Variants in STXBP5L observed in about 807,000 individuals in gnomAD.
STXBP5L encodes syntaxin binding protein 5L.
In STXBP5L, 65 loss-of-function variants were observed where a neutral mutation model predicts 144.5. The ratio of observed to expected loss-of-function variants is 0.45; its 90% confidence interval spans 0.37 to 0.55. The LOEUF is 0.55. STXBP5L is among the 20% of genes least tolerant of loss of function. The pLI is 0.00. For missense variants in STXBP5L, 1,298 were observed against 1,405.5 expected, an observed-to-expected ratio of 0.92 and a Z score of 1.22; for synonymous variants, 505 against 469.6, an observed-to-expected ratio of 1.08 and a Z score of -0.97.
At chr3:121,010,552 C>A (rs1276044311) in intron 3 of STXBP5L, among the ~76,000 whole-genome samples, 1 of 151,504 alleles carries the variant, frequency 6.6e-6, no homozygotes, top group Admixed American at 6.6e-5. Flanking sequence ...TAATAGTTGA[C>A]CCTTGAACAA....
At chr3:121,150,234 G>A (rs754183867) in intron 7 of STXBP5L, among the ~76,000 whole-genome samples, 67 of 152,038 alleles carry the variant, frequency 4.4e-4, no homozygotes, top group Non-Finnish European at 8.1e-4. Flanking sequence ...TCATGGTGAA[G>A]AAGTAACCCT....
intron 3 of STXBP5L, among the ~76,000 whole-genome samples, chr3:121,013,955 C>G (rs1296993889): frequency 1.3e-5 from 2 of 151,790 alleles, no homozygotes; most frequent in African/African-American, 4.8e-5. Context: ...TGTAGGTATA[C>G]AGCATTATTT....
Position 121,152,774 on chromosome 3 carries a change from T to C in STXBP5L, c.753+214T>C, listed in dbSNP as rs556315095. ...GCCTTGACTGCCTATTTCGGGGCCC[T>C]CTTGTGGCATCTTATATACTTTGCA... On this transcript the variant is annotated intron_variant, in intron 8 of 26. Transcript: ENST00000471454. 2.0e-5 allele frequency among the ~76,000 whole-genome samples: 3 copies of C among 152,220 alleles called. No homozygotes were observed. In the South Asian group the frequency reaches 6.2e-4, roughly 32 times the overall value.
intron 18 of STXBP5L, among the ~76,000 whole-genome samples, chr3:121,260,554 A>G (rs764751608): frequency 2.6e-5 from 4 of 152,072 alleles, no homozygotes; most frequent in Non-Finnish European, 5.9e-5. Context: ...ATATGTTTAA[A>G]TCTTTGATCT....
chr3:121,192,950 A>T (rs2047759615), intron 9 of STXBP5L, among the ~76,000 whole-genome samples: 1 of 151,718 alleles, frequency 6.6e-6, no homozygotes, highest in South Asian at 2.1e-4. Flanking sequence ...AGCAATGGCA[A>T]CAAAAGCCAA....
At chr3:121,112,761 A>G (rs1052504365) in intron 5 of STXBP5L, among the ~76,000 whole-genome samples, 3 of 152,124 alleles carry the variant, frequency 2.0e-5, no homozygotes, top group African/African-American at 7.2e-5. Flanking sequence ...CAAGGCTTAC[A>G]TGCAGTAGAA....
At chr3:121,162,003 A>G (rs2046338786) in intron 9 of STXBP5L, among the ~76,000 whole-genome samples, 1 of 152,158 alleles carries the variant, frequency 6.6e-6, no homozygotes, top group Non-Finnish European at 1.5e-5. Flanking sequence ...CAAAACAAAA[A>G]TGAATTAGGA....
intron 2 of STXBP5L, among the ~76,000 whole-genome samples, chr3:120,938,866 G>A (rs923959254): frequency 6.6e-6 from 1 of 151,972 alleles, no homozygotes; most frequent in Non-Finnish European, 1.5e-5. Context: ...CTGCAGTGTC[G>A]AACTCCTGGG....
At chr3:120,989,127 T>C (rs1942585091) in intron 3 of STXBP5L, among the ~76,000 whole-genome samples, 1 of 152,174 alleles carries the variant, frequency 6.6e-6, no homozygotes, top group East Asian at 1.9e-4. Context: ...GTGCTAAATG[T>C]ATAAGTGCAG....
intron 20 of STXBP5L, among the ~76,000 whole-genome samples, chr3:121,330,796 G>A (rs982126156): frequency 2.0e-5 from 3 of 152,150 alleles, no homozygotes; most frequent in South Asian, 4.1e-4. Context: ...CCTGGCCAAC[G>A]GAGAGATCCT....
intron 3 of STXBP5L, among the ~76,000 whole-genome samples, chr3:120,986,874 GC>G (rs1377036527): frequency 6.6e-6 from 1 of 151,800 alleles, no homozygotes; most frequent in Non-Finnish European, 1.5e-5. Context: ...TGAAGATAGC[GC>G]AATGAAAATT....
At chr3:121,332,287 G>T (rs549582707) in intron 20 of STXBP5L, among the ~76,000 whole-genome samples, 1 of 151,550 alleles carries the variant, frequency 6.6e-6, no homozygotes, top group Admixed American at 6.6e-5. Flanking sequence ...AGAATTCAAA[G>T]GGTTGATTAT....
At chr3:121,062,322 C>G (rs937449535) in intron 5 of STXBP5L, among the ~76,000 whole-genome samples, 1 of 152,146 alleles carries the variant, frequency 6.6e-6, no homozygotes, top group Non-Finnish European at 1.5e-5. Flanking sequence ...ATTTTCCCCC[C>G]ACTTTCTTCT....
chr3:121,104,499 A>G (rs2043592944), intron 5 of STXBP5L, among the ~76,000 whole-genome samples: 1 of 152,216 alleles, frequency 6.6e-6, no homozygotes, highest in African/African-American at 2.4e-5. Flanking sequence ...TTCAAACTAT[A>G]CTACAAAACT....
chr3:121,385,213 T>C (rs905021263), intron 22 of STXBP5L, among the ~76,000 whole-genome samples: 1 of 152,118 alleles, frequency 6.6e-6, no homozygotes, highest in Non-Finnish European at 1.5e-5. Context: ...CTAATAGCTC[T>C]TCAGGCTGTA....
At chr3:121,117,075 G>A (rs1007884574) in intron 6 of STXBP5L, among the ~76,000 whole-genome samples, 4 of 151,714 alleles carry the variant, frequency 2.6e-5, no homozygotes, top group African/African-American at 7.3e-5. Flanking sequence ...AGATTACTAC[G>A]TGAACTAGTG....
intron 10 of STXBP5L, among the ~76,000 whole-genome samples, chr3:121,211,100 ATT>A (rs2048546904): frequency 1.3e-5 from 2 of 152,058 alleles, no homozygotes; most frequent in Admixed American, 1.3e-4. Flanking sequence ...GTCCTCTTTT[ATT>A]TTGTTGAACA....
chr3:121,395,589 T>C (rs1314317272), intron 22 of STXBP5L, among the ~76,000 whole-genome samples: 2 of 152,188 alleles, frequency 1.3e-5, no homozygotes, highest in East Asian at 3.8e-4. Context: ...AATACTGAGA[T>C]CAGAAAGCAT....
At chr3:121,399,534 C>A (rs1033470496) in intron 22 of STXBP5L, among the ~76,000 whole-genome samples, 1 of 152,202 alleles carries the variant, frequency 6.6e-6, no homozygotes, top group African/African-American at 2.4e-5. Context: ...AACAGCAAGC[C>A]AGTCATTAGC....
Sources: allele counts gnomAD v4.1 joint callset (sites outside exome capture counted in the v4.1 genomes callset), GRCh38; gene constraint gnomAD v4.1.1; transcripts MANE v1.5; gene names NCBI Gene and HGNC (gene_info 2026-07-23, HGNC 2026-07-21).